RP2: variants seen among roughly 807,000 people sequenced by gnomAD.
RP2 encodes the protein RP2 activator of ARL3 GTPase.
RP2 carries 3 observed loss-of-function variants against 20.3 expected under a neutral mutation model. The ratio of observed to expected loss-of-function variants is 0.15; its 90% CI spans 0.07 to 0.38. RP2 has a LOEUF of 0.38. RP2 is among the 10% of genes least tolerant of loss of function. The pLI, the probability that RP2 is intolerant of heterozygous loss-of-function variation, is 1.00. For missense variants in RP2, 233 were observed against 268.5 expected, an observed-to-expected ratio of 0.87 and a Z score of 0.92; for synonymous variants, 75 against 94.8, an observed-to-expected ratio of 0.79 and a Z score of 1.22.
intron 1 of RP2, among the ~76,000 whole-genome samples, chrX:46,844,233 G>T (rs1556315576): frequency 9.0e-6 from 1 of 111,031 alleles, no homozygotes; most frequent in East Asian, 2.8e-4. Flanking sequence ...CAACGTGCAG[G>T]TTTGTTACAT....
intron 1 of RP2, among the ~76,000 whole-genome samples, chrX:46,844,225 A>C (rs1556315570): frequency 9.0e-6 from 1 of 111,326 alleles, no homozygotes; most frequent in African/African-American, 3.3e-5. Flanking sequence ...CATATGCACA[A>C]CGTGCAGGTT....
At chrX:46,850,362 T>C (rs190688093) in intron 1 of RP2, among the ~76,000 whole-genome samples, 3 of 112,481 alleles carry the variant, frequency 2.7e-5, no homozygotes, top group Non-Finnish European at 3.8e-5. Context: ...GCCCTTTCTG[T>C]ATGACTACAA....
intron 3 of RP2, among the ~76,000 whole-genome samples, chrX:46,874,557 TAA>T (rs1215638051): frequency 7.4e-5 from 8 of 107,683 alleles, no homozygotes; most frequent in African/African-American, 2.3e-4. Flanking sequence ...TTGCCATACT[TAA>T]AAAAAAAACT....
At chrX:46,842,645 G>A (rs1924643449) in intron 1 of RP2, among the ~76,000 whole-genome samples, 1 of 111,545 alleles carries the variant, frequency 9.0e-6, no homozygotes, top group Non-Finnish European at 1.9e-5. Flanking sequence ...TCGTCTCTCC[G>A]AGCCCCTGGA....
chrX:46,877,813 TTTAA>T (rs1242447752), intron 4 of RP2, among the ~76,000 whole-genome samples: 7 of 110,554 alleles, frequency 6.3e-5, no homozygotes, highest in African/African-American at 1.6e-4. Context: ...CAAACTAAAC[TTTAA>T]TTGTTTAAAA....
chrX:46,870,594 C>G (rs1238146616), intron 3 of RP2, among the ~76,000 whole-genome samples: 1 of 111,656 alleles, frequency 9.0e-6, no homozygotes, highest in Non-Finnish European at 1.9e-5. Flanking sequence ...ACAAAAAGCA[C>G]AAAAATGTGA....
Position 46,879,749 on chromosome X carries a change from G to A in RP2, c.1033G>A (p.Asp345Asn). Residue 345 changes from aspartate (D) to asparagine (N), a missense_variant, in exon 5 of 5, where the codon GAT becomes AAT. Physicochemically the swap from Asp to Asn is conservative, Grantham distance 23 (BLOSUM62 1). This residue lies in a region of RP2 where 118 missense variants were observed against 123.8 expected (regional missense o/e 0.95). Coordinates refer to ENST00000218340, the MANE Select transcript of RP2 (RefSeq NM_006915.3). ...GDVDSFYNFA[D>N]IQMGI ...TGTAGACAGCTTCTACAACTTTGCTGATATACAGATGGGAATATGAAGTGC... is the reference window on the plus strand; with the variant it reads ...TGTAGACAGCTTCTACAACTTTGCTAATATACAGATGGGAATATGAAGTGC... The A allele has an allele frequency of 8.4e-7, 1 of 1,191,527 alleles. No homozygotes were observed. Among genetic ancestry groups the A allele is most frequent in the Middle Eastern group, 2.3e-4 (1 of 4,291 alleles).
At chrX:46,867,727 C>A (rs1925201366) in intron 3 of RP2, among the ~76,000 whole-genome samples, 1 of 109,838 alleles carries the variant, frequency 9.1e-6, no homozygotes, top group African/African-American at 3.3e-5. Flanking sequence ...TTTTTTTAGC[C>A]CCCACATATG....
chrX:46,859,067 G>C (rs782674663), intron 2 of RP2, among the ~76,000 whole-genome samples: 3 of 111,300 alleles, frequency 2.7e-5, no homozygotes, highest in Non-Finnish European at 5.6e-5. Context: ...TACCTACTTC[G>C]TGAGAGGGTT....
chrX:46,848,342 A>G (rs993489657), intron 1 of RP2, among the ~76,000 whole-genome samples: 5 of 109,509 alleles, frequency 4.6e-5, no homozygotes, highest in African/African-American at 1.7e-4. Flanking sequence ...TAGGACATTA[A>G]ATTGATATCA....
intron 3 of RP2, among the ~76,000 whole-genome samples, chrX:46,862,100 G>A (rs180822057): frequency 1.8e-5 from 2 of 112,125 alleles, no homozygotes; most frequent in East Asian, 5.6e-4. Context: ...TTGGCTGGGC[G>A]TAGTGGCTCA....
At chrX:46,866,552 TACTA>T (rs781806312) in intron 3 of RP2, among the ~76,000 whole-genome samples, 9 of 111,651 alleles carry the variant, frequency 8.1e-5, no homozygotes, top group African/African-American at 2.6e-4. Flanking sequence ...TTTTTAGAAT[TACTA>T]ACCCATACCC....
rs1342252144 is a variant in RP2 at position 46,878,324 on chromosome X, C to T, written c.969+734C>T. On this transcript the variant is annotated intron_variant, in intron 4 of 4. Coordinates refer to ENST00000218340, the MANE Select transcript of RP2 (RefSeq NM_006915.3). Reference sequence around the variant, plus strand: ...CCCGGGAGGCGGAGCTTGCAGTGAGCCGAGATCCCGCCACTGCACTCCAGC... The same window carrying T: ...CCCGGGAGGCGGAGCTTGCAGTGAGTCGAGATCCCGCCACTGCACTCCAGC... 6.6e-5 allele frequency among the ~76,000 whole-genome samples: 7 copies of T among 105,409 alleles called. No individual in the cohort carries two copies. In the East Asian group the frequency reaches 2.1e-3, roughly 31 times the overall value. The allele number at this position is 105,409 out of a possible 115,157, so 91.5% of individuals were successfully genotyped here.
chrX:46,845,545 T>C (rs1319183880), intron 1 of RP2, among the ~76,000 whole-genome samples: 1 of 111,727 alleles, frequency 9.0e-6, no homozygotes, highest in African/African-American at 3.3e-5. Context: ...AATCAAGATA[T>C]AAAATGGTTC....
chrX:46,847,717 T>TATATGTGTGTATATATACACAC (rs1924746442), intron 1 of RP2, among the ~76,000 whole-genome samples: 3 of 67,971 alleles, frequency 4.4e-5, no homozygotes, highest in African/African-American at 1.8e-4. Context: ...TATACACACA[T>TATATGTGTGTATATATACACAC]ATATGTGTGT....
At chrX:46,864,438 C>T (rs921194564) in intron 3 of RP2, among the ~76,000 whole-genome samples, 3 of 104,516 alleles carry the variant, frequency 2.9e-5, no homozygotes, top group African/African-American at 7.1e-5. Context: ...ACCCTGTCTT[C>T]GGGGCTCAAG....
At chrX:46,844,177 TA>T (rs1165563064) in intron 1 of RP2, among the ~76,000 whole-genome samples, 1 of 112,292 alleles carries the variant, frequency 8.9e-6, no homozygotes, top group African/African-American at 3.2e-5. Context: ...TTTTTTTATT[TA>T]AAAAAATTTT....
chrX:46,858,250 T>C (rs1556319545), intron 2 of RP2, among the ~76,000 whole-genome samples: 1 of 111,697 alleles, frequency 9.0e-6, no homozygotes, highest in East Asian at 2.8e-4. Context: ...TGTAGTTCTA[T>C]GGATTTAACA....
chrX:46,871,288 C>G (rs994749247), intron 3 of RP2, among the ~76,000 whole-genome samples: 6 of 111,163 alleles, frequency 5.4e-5, no homozygotes, highest in Non-Finnish European at 1.1e-4. Context: ...TCCCAAAGTG[C>G]TGGGATTACA....
Sources: gnomAD v4.1 joint callset for allele counts (sites outside exome capture counted in the v4.1 genomes callset) on GRCh38, gnomAD v4.1.1 for gene constraint, gnomAD v4.1.1 regional missense constraint, MANE v1.5 for transcripts, NCBI Gene and HGNC (gene_info 2026-07-23, HGNC 2026-07-21) for gene names.